Variants in ITCH observed in about 807,000 individuals in gnomAD.
ITCH encodes the protein E3 ubiquitin-protein ligase Itchy homolog.
A neutral mutation model predicts 126.8 loss-of-function variants in ITCH; 28 were observed. That is an observed-to-expected ratio of 0.22 (90% CI 0.16 to 0.30). The LOEUF (loss-of-function observed/expected upper bound fraction) is 0.30. Ranked by LOEUF, ITCH falls within the 10% of genes least tolerant of loss-of-function variation. ITCH has a pLI of 1.00. For synonymous variants in ITCH, 342 were observed against 340.0 expected (o/e 1.01, Z -0.06); for missense variants, 631 against 1,032.4 (o/e 0.61, Z 5.33).
At chr20:34,445,961 C>T (rs1313187281) in intron 11 of ITCH, among the ~76,000 whole-genome samples, 1 of 152,136 alleles carries the variant, frequency 6.6e-6, no homozygotes, top group Admixed American at 6.5e-5. Context: ...CTATATTATT[C>T]TGGCTTTAAA....
rs569940096 is a variant in ITCH at position 34,502,848 on chromosome 20, A to C, written c.2417-1483A>C. Among the ~76,000 whole-genome samples the C allele has an allele frequency of 2.2e-4, 33 of 152,286 alleles. No individual in the cohort carries two copies. In the South Asian group the frequency reaches 6.6e-3, roughly 31 times the overall value. On this transcript the variant is annotated intron_variant, in intron 23 of 24. Transcript: ENST00000374864. ...AGCCTGGCCAACATGGTAAAACCCC[A>C]TCTTTACTAAAAATACAAAAATTAG...
At chr20:34,445,230 C>A in intron 10 of ITCH, 57 bp from the exon 11 acceptor site, 2 of 1,574,820 alleles carry the variant, frequency 1.3e-6, no homozygotes, top group Non-Finnish European at 1.7e-6. Flanking sequence ...AATATTCTAT[C>A]TGTTTCACAA....
chr20:34,457,262 A>G (rs1986095105), intron 12 of ITCH, 128 bp from the exon 13 acceptor site: 2 of 706,614 alleles, frequency 2.8e-6, no homozygotes, highest in Admixed American at 2.3e-5. Flanking sequence ...TAAAGCTGTG[A>G]TTTAAAAACT....
chr20:34,472,315 C>A (rs1046328211), intron 16 of ITCH, among the ~76,000 whole-genome samples: 1 of 148,318 alleles, frequency 6.7e-6, no homozygotes, highest in African/African-American at 2.5e-5. Context: ...TGCAGTGACC[C>A]GAGATCGTGC....
chr20:34,449,362 ATAAGTTGT>A (rs1984890154), intron 11 of ITCH, 41 bp from the exon 12 acceptor site: 1 of 1,122,018 alleles, frequency 8.9e-7, no homozygotes, highest in Non-Finnish European at 1.4e-6. Context: ...TTGCTGTCAG[ATAAGTTGT>A]TAAGTTGTTA....
intron 23 of ITCH, among the ~76,000 whole-genome samples, chr20:34,496,677 C>G (rs1472698153): frequency 1.3e-5 from 2 of 151,666 alleles, no homozygotes; most frequent in African/African-American, 2.4e-5. Context: ...GTGGCGCGTG[C>G]CTGTCATCCC....
chr20:34,402,827 G>A (rs1257933718), intron 3 of ITCH: 1 of 178,596 alleles, frequency 5.6e-6, no homozygotes, highest in Non-Finnish European at 1.2e-5. Flanking sequence ...GCAAAATAAG[G>A]AAACTTTGGT....
intron 7 of ITCH, among the ~76,000 whole-genome samples, chr20:34,437,306 C>G (rs1456977680): frequency 2.0e-5 from 3 of 152,088 alleles, no homozygotes; most frequent in African/African-American, 7.2e-5. Context: ...TACTGCCTCT[C>G]TGTTTCTTTG....
At chr20:34,476,100 C>T in intron 16 of ITCH, 2 of 939,370 alleles carry the variant, frequency 2.1e-6, no homozygotes, top group Non-Finnish European at 3.5e-6. Flanking sequence ...CATCTAACTT[C>T]TCATATATGT....
intron 2 of ITCH, among the ~76,000 whole-genome samples, chr20:34,373,892 T>A (rs1450706940): frequency 6.6e-6 from 1 of 152,030 alleles, no homozygotes; most frequent in Non-Finnish European, 1.5e-5. Flanking sequence ...TTTTTTTTTT[T>A]TATTTTTTTT....
At chr20:34,403,771 T>C (rs1231573286) in intron 3 of ITCH, among the ~76,000 whole-genome samples, 1 of 152,188 alleles carries the variant, frequency 6.6e-6, no homozygotes, top group Non-Finnish European at 1.5e-5. Context: ...GGGGGATGTT[T>C]ATCTCTCAGG....
chr20:34,505,577 C>T (rs749933046), intron 24 of ITCH, among the ~76,000 whole-genome samples: 5 of 148,412 alleles, frequency 3.4e-5, no homozygotes, highest in Non-Finnish European at 7.4e-5. Flanking sequence ...TTTTTGGAGA[C>T]AGTCTCTCTC....
At chr20:34,392,940 TAAGTA>T (rs2038537667) in intron 2 of ITCH, among the ~76,000 whole-genome samples, 1 of 152,124 alleles carries the variant, frequency 6.6e-6, no homozygotes, top group Non-Finnish European at 1.5e-5. Flanking sequence ...AAAAAATAAA[TAAGTA>T]AATAAAGTTG....
chr20:34,458,860 A>G (rs368004276), intron 13 of ITCH, among the ~76,000 whole-genome samples: 1 of 152,210 alleles, frequency 6.6e-6, no homozygotes, highest in Non-Finnish European at 1.5e-5. Flanking sequence ...CTCTGTTTCC[A>G]AATAAGGTCA....
At chr20:34,480,909 C>T (rs984013973) in intron 19 of ITCH, among the ~76,000 whole-genome samples, 157 bp from the exon 20 acceptor site, 24 of 152,114 alleles carry the variant, frequency 1.6e-4, no homozygotes, top group African/African-American at 4.8e-4. Context: ...CCAAGATCTT[C>T]GGCAATAATA....
At chr20:34,445,255 A>C (rs1568949015) in intron 10 of ITCH, 32 bp from the exon 11 acceptor site, 2 of 1,378,762 alleles carry the variant, frequency 1.5e-6, no homozygotes, top group Non-Finnish European at 1.0e-6. Context: ...TTGTTGAATT[A>C]GCTTGTTTTT....
At chr20:34,385,493 A>G (rs2146040087) in intron 2 of ITCH, among the ~76,000 whole-genome samples, 1 of 152,230 alleles carries the variant, frequency 6.6e-6, no homozygotes, top group East Asian at 1.9e-4. Context: ...ATTGTGGCAA[A>G]TGCTTTAAAC....
intron 12 of ITCH, among the ~76,000 whole-genome samples, chr20:34,453,938 G>A (rs914381074): frequency 2.0e-5 from 3 of 151,664 alleles, no homozygotes; most frequent in African/African-American, 7.3e-5. Flanking sequence ...AGGCTGCAGT[G>A]AGCTGAGATC....
chr20:34,462,453 A>T (rs1986630212), intron 14 of ITCH, among the ~76,000 whole-genome samples: 1 of 152,170 alleles, frequency 6.6e-6, no homozygotes, highest in Non-Finnish European at 1.5e-5. Flanking sequence ...ACTATTTAGA[A>T]TTTATAGGTA....
Sources: gnomAD v4.1 joint callset for allele counts (sites outside exome capture counted in the v4.1 genomes callset) on GRCh38, gnomAD v4.1.1 for gene constraint, MANE v1.5 for transcripts, NCBI Gene and HGNC (gene_info 2026-07-23, HGNC 2026-07-21) for gene names.